SERPINA12: variants seen among roughly 807,000 people sequenced by gnomAD.
SERPINA12 encodes serpin family A member 12.
SERPINA12 carries 21 observed loss-of-function variants against 25.9 expected under a neutral mutation model. That is an observed-to-expected ratio of 0.81 (90% CI 0.58 to 1.17). The LOEUF (loss-of-function observed/expected upper bound fraction) is 1.17, where lower values mean the gene tolerates loss of function less well. Ranked by LOEUF, SERPINA12 falls within the 50% of genes most tolerant of loss-of-function variation. SERPINA12 has a pLI of 0.00. For missense variants in SERPINA12, 562 were observed against 508.3 expected (o/e 1.11, Z -1.02); for synonymous variants, 220 against 196.0 (o/e 1.12, Z -1.02).
At chr14:94,500,549 G>A (rs1316792236) in intron 1 of SERPINA12, among the ~76,000 whole-genome samples, 2 of 152,220 alleles carry the variant, frequency 1.3e-5, no homozygotes, top group Non-Finnish European at 2.9e-5. Context: ...GTTTAGGGAG[G>A]GGCATGTGGC....
In SERPINA12 at chr14:94,498,353, G is replaced by A. The variant is rs377406515; in HGVS notation, c.45C>T (p.Leu15=). 2,463 of 1,614,102 alleles carry A rather than the reference G, an allele frequency of 1.5e-3. 47 individuals carry two copies. In the South Asian group the frequency reaches 0.025, roughly 17 times the overall value. Residue 15 remains leucine, a synonymous_variant, in exon 2 of 5, where the codon CTC becomes CTT. Transcript: ENST00000677451. ...LGLAIFLAVL[L]TVKGLLKPSF... ...TCGGCTTTAGAAGACCTTTCACCGT[G>A]AGGAGAACAGCCAGAAAAATGGCCA...
intron 2 of SERPINA12, 49 bp from the exon 3 acceptor site, chr14:94,496,692 G>C: frequency 6.4e-7 from 1 of 1,553,442 alleles, no homozygotes; most frequent in East Asian, 2.2e-5. Context: ...GGGAAAAAAG[G>C]TGACTAAATC....
chr14:94,496,009 C>T (rs1900400984), intron 3 of SERPINA12, among the ~76,000 whole-genome samples: 1 of 152,192 alleles, frequency 6.6e-6, no homozygotes, highest in Non-Finnish European at 1.5e-5. Flanking sequence ...TCACAACTCA[C>T]AGCTCTCTTT....
upstream of SERPINA12, among the ~76,000 whole-genome samples, chr14:94,513,709 C>T (rs1901163858): frequency 6.6e-6 from 1 of 152,184 alleles, no homozygotes; most frequent in Admixed American, 6.5e-5. Context: ...CATTTTCCTC[C>T]ACTCTGGGAT....
intron 1 of SERPINA12, among the ~76,000 whole-genome samples, chr14:94,501,918 T>G (rs970961696): frequency 6.6e-6 from 1 of 152,138 alleles, no homozygotes; most frequent in Non-Finnish European, 1.5e-5. Flanking sequence ...AGTAGGCTAA[T>G]TTTTTAATTC....
chr14:94,498,026 GGTCAGCTC>G lies in SERPINA12; in HGVS notation c.364_371del (p.Glu122ProfsTer17). Reference sequence around the variant, plus strand: ...TCAGTTTGAGGTCCTGGGTCTTCTGGGTCAGCTCGTGGATGATGTAATGGAAGCCCTCA... The same window carrying G: ...TCAGTTTGAGGTCCTGGGTCTTCTGGGTGGATGATGTAATGGAAGCCCTCA... On this transcript the variant is annotated frameshift_variant, in exon 2 of 5. Transcript: ENST00000677451. LOFTEE classifies it high-confidence loss of function. The G allele has an allele frequency of 2.5e-6, 4 of 1,614,068 alleles. No homozygotes were observed. Among genetic ancestry groups the G allele is most frequent in the Non-Finnish European group, 3.4e-6 (4 of 1,180,012 alleles).
rs983492523 is a variant in SERPINA12, at chr14:94,509,354, G to T, written c.-46C>A. 6.4e-5 allele frequency among the ~76,000 whole-genome samples: 9 copies of T among 141,232 alleles called. No individual in the cohort carries two copies. The highest frequency in any genetic ancestry group is 1.2e-4 in the Non-Finnish European group (8 of 64,482). 92.7% of individuals were successfully genotyped at this position (141,232 alleles called of 152,430 possible). ...CCCTTGGACTAACCTCACCTCCCCA[G>T]TTTCTCCTTTCCCCTCAGGTCAGTC... On this transcript the variant is annotated 5_prime_UTR_variant, in exon 1 of 5. It adds an upstream start codon to the 5' untranslated region. Coordinates refer to ENST00000677451, the MANE Select transcript of SERPINA12 (RefSeq NM_001382267.1).
At chr14:94,507,733 GGTGGGT>G (rs1900981726) in intron 1 of SERPINA12, among the ~76,000 whole-genome samples, 1 of 152,194 alleles carries the variant, frequency 6.6e-6, no homozygotes, top group South Asian at 2.1e-4. Context: ...TTATATTGCG[GGTGGGT>G]GTGCAAACCG....
intron 3 of SERPINA12, among the ~76,000 whole-genome samples, chr14:94,491,080 T>C (rs1595685216): frequency 6.6e-6 from 1 of 152,186 alleles, no homozygotes; most frequent in Admixed American, 6.5e-5. Context: ...ATTCATTCAC[T>C]CAACAAACAT....
chr14:94,490,343 C>A (rs1900119372), intron 3 of SERPINA12, among the ~76,000 whole-genome samples: 1 of 152,102 alleles, frequency 6.6e-6, no homozygotes, highest in Non-Finnish European at 1.5e-5. Context: ...CATCCTCCTG[C>A]CCTCCAACTA....
At chr14:94,507,945 C>T (rs1408236005) in intron 1 of SERPINA12, among the ~76,000 whole-genome samples, 1 of 152,176 alleles carries the variant, frequency 6.6e-6, no homozygotes, top group East Asian at 1.9e-4. Flanking sequence ...ACCCAGATGT[C>T]CATTTATAGT....
At chr14:94,511,118 A>C (rs1385475613), upstream of SERPINA12, among the ~76,000 whole-genome samples, 1 of 152,176 alleles carries the variant, frequency 6.6e-6, no homozygotes, top group Non-Finnish European at 1.5e-5. Context: ...TCAGAAAAAT[A>C]TTTATGGAAG....
upstream of SERPINA12, chr14:94,511,638 G>A (rs1484207354): frequency 2.0e-6 from 2 of 985,276 alleles, no homozygotes; most frequent in Non-Finnish European, 2.4e-6. Context: ...TCCTTTGGAA[G>A]GTGTCCCACC....
At chr14:94,500,601 G>C (rs1245222285) in intron 1 of SERPINA12, among the ~76,000 whole-genome samples, 1 of 152,172 alleles carries the variant, frequency 6.6e-6, no homozygotes, top group Admixed American at 6.5e-5. Context: ...CTGTTTGTTG[G>C]AATGTTGGGG....
chr14:94,494,338 G>A (rs376475836), intron 3 of SERPINA12, among the ~76,000 whole-genome samples: 3 of 152,344 alleles, frequency 2.0e-5, no homozygotes, highest in East Asian at 1.9e-4. Context: ...GGGGGAACCC[G>A]TGGGTGGTAA....
chr14:94,514,538 TG>T (rs1277786633), intron 2 of SERPINA12, among the ~76,000 whole-genome samples: 1 of 142,330 alleles, frequency 7.0e-6, no homozygotes, highest in Non-Finnish European at 1.5e-5. Flanking sequence ...TGGGGTCGGG[TG>T]GGGACCTGGG....
At chr14:94,488,551 G>A (rs1478968782) in intron 4 of SERPINA12, among the ~76,000 whole-genome samples, 2 of 152,062 alleles carry the variant, frequency 1.3e-5, no homozygotes, top group East Asian at 3.9e-4. Context: ...GATAAACAAT[G>A]AATATGTTTT....
chr14:94,489,307 C>T (rs1900051870), intron 4 of SERPINA12, among the ~76,000 whole-genome samples: 1 of 152,022 alleles, frequency 6.6e-6, no homozygotes, highest in African/African-American at 2.4e-5. Flanking sequence ...CGGATGTGGC[C>T]TTTGAGAGAG....
At chr14:94,501,600 T>C (rs1900724087) in intron 1 of SERPINA12, among the ~76,000 whole-genome samples, 1 of 150,998 alleles carries the variant, frequency 6.6e-6, no homozygotes, top group African/African-American at 2.4e-5. Context: ...GAGGGGGAGG[T>C]GGTGATAATT....
Sources: gnomAD v4.1 joint callset for allele counts (sites outside exome capture counted in the v4.1 genomes callset) on GRCh38, gnomAD v4.1.1 for gene constraint, MANE v1.5 for transcripts, NCBI Gene and HGNC (gene_info 2026-07-23, HGNC 2026-07-21) for gene names.